The following GDPD4 variants were observed in gnomAD, a reference collection of about 807,000 sequenced individuals.
GDPD4 encodes the protein glycerophosphodiester phosphodiesterase 6.
GDPD4 carries 60 observed loss-of-function variants against 67.8 expected under a neutral mutation model. That is an observed-to-expected ratio of 0.88 (90% CI 0.72 to 1.10). The LOEUF (loss-of-function observed/expected upper bound fraction) is 1.10, where lower values mean the gene tolerates loss of function less well. GDPD4 is among the 50% of genes least tolerant of loss of function. The probability of loss-of-function intolerance (pLI) is 0.00; values close to 1 mark genes in which losing one functional copy is unlikely to be tolerated. For missense variants in GDPD4, 623 were observed against 613.9 expected (o/e 1.01, Z -0.16); for synonymous variants, 212 against 210.9 (o/e 1.00, Z -0.04).
At chr11:77,232,191 G>T (rs1319413811) in intron 14 of GDPD4, among the ~76,000 whole-genome samples, 3 of 152,202 alleles carry the variant, frequency 2.0e-5, no homozygotes, top group Non-Finnish European at 4.4e-5. Context: ...GCTTTTTGAT[G>T]ACTAAAAGTG....
At chr11:77,272,574 G>A (rs79519353) in intron 5 of GDPD4, among the ~76,000 whole-genome samples, 1 of 152,066 alleles carries the variant, frequency 6.6e-6, no homozygotes, top group East Asian at 1.9e-4. Context: ...CCAGGAGTTC[G>A]AGATAAGCCT....
intron 10 of GDPD4, among the ~76,000 whole-genome samples, chr11:77,260,000 G>A (rs115622079): frequency 0.021 from 3,193 of 152,182 alleles, 58 homozygotes; most frequent in African/African-American, 0.042. Context: ...GCTTTCTTTA[G>A]AGACTCCAGA....
In GDPD4 at chr11:77,282,102, G is replaced by T. The variant is rs150862398; in HGVS notation, c.54-2703C>A. On this transcript the variant is annotated intron_variant, in intron 3 of 16. Coordinates refer to ENST00000315938, the MANE Select transcript of GDPD4 (RefSeq NM_182833.3). ...TATGATGAGAATGGCTTATAACTCA[G>T]AAGTTATAAGTGTCTGAAGAAGTTA... Among the ~76,000 whole-genome samples, 575 of 152,266 alleles carry T rather than the reference G, an allele frequency of 3.8e-3. 2 individuals are homozygous for T. Among genetic ancestry groups the T allele is most frequent in the African/African-American group, 0.013 (543 of 41,542 alleles).
At chr11:77,279,900 C>A (rs1477367953) in intron 3 of GDPD4, among the ~76,000 whole-genome samples, 1 of 151,908 alleles carries the variant, frequency 6.6e-6, no homozygotes, top group East Asian at 1.9e-4. Flanking sequence ...TTAGGAGAAA[C>A]AATGTTATAC....
At chr11:77,241,918 C>T (rs748866660) in intron 13 of GDPD4, among the ~76,000 whole-genome samples, 5 of 151,448 alleles carry the variant, frequency 3.3e-5, no homozygotes, top group East Asian at 1.9e-4. Flanking sequence ...GGTGACAGAG[C>T]GAGACTCTGT....
At chr11:77,225,751 C>T (rs1228409421) in intron 16 of GDPD4, among the ~76,000 whole-genome samples, 1 of 152,134 alleles carries the variant, frequency 6.6e-6, no homozygotes, top group Non-Finnish European at 1.5e-5. Context: ...GACATGGCAT[C>T]AGTAGGTGCA....
At chr11:77,236,894 T>C (rs1958580050) in intron 13 of GDPD4, among the ~76,000 whole-genome samples, 2 of 152,214 alleles carry the variant, frequency 1.3e-5, no homozygotes, top group Non-Finnish European at 2.9e-5. Context: ...GTCTTGATCT[T>C]GAGAAGTCTG....
intron 1 of GDPD4, 23 bp downstream of exon 1, chr11:77,301,582 C>G (rs899969744): frequency 6.6e-6 from 1 of 152,190 alleles, no homozygotes; most frequent in African/African-American, 2.4e-5. Context: ...GGAGGAAGCA[C>G]GGAACTGGGC....
chr11:77,300,330 C>G (rs1334584419), intron 1 of GDPD4, among the ~76,000 whole-genome samples: 2 of 152,174 alleles, frequency 1.3e-5, no homozygotes, highest in Non-Finnish European at 2.9e-5. Flanking sequence ...CTCCCTTGTC[C>G]AAGTGTGTGC....
At chr11:77,233,952 G>C (rs1958502024) in intron 13 of GDPD4, among the ~76,000 whole-genome samples, 2 of 152,180 alleles carry the variant, frequency 1.3e-5, no homozygotes, top group Admixed American at 1.3e-4. Context: ...TGTTTATAGA[G>C]ACAGGGAGAA....
At position 77,227,839 on chromosome 11, in the gene GDPD4, G is replaced by C. The variant is rs374128378; in HGVS notation, c.1525+25C>G. ...GCAATGGGTAGGGATGAAGAGACAG[G>C]AGTGGGCTAGGCCTCTGACTTTACC... On this transcript the variant is annotated intron_variant, in intron 16 of 16. Transcript: ENST00000315938. The C allele has an allele frequency of 4.6e-5, 73 of 1,583,982 alleles. No individual in the cohort carries two copies. In the Middle Eastern group the frequency reaches 5.2e-4, roughly 11 times the overall value.
At chr11:77,277,391 CTTTTTTTT>C (rs71043564) in intron 4 of GDPD4, among the ~76,000 whole-genome samples, 12 of 58,346 alleles carry the variant, frequency 2.1e-4, no homozygotes, top group Admixed American at 3.0e-4. Context: ...GCCATGTTTC[CTTTTTTTT>C]TTTTTTTTTT....
At position 77,258,470 on chromosome 11, in the gene GDPD4, T is replaced by C; in HGVS notation, c.780A>G (p.Pro260=). ...KRTTNIGEVQ[P]ESACENPAFF... ...AGGCAGGGTTCTCGCAGGCAGATTCTGGCTGAACTTCCCCAATATTGGTTG... is the reference window on the plus strand; with the variant it reads ...AGGCAGGGTTCTCGCAGGCAGATTCCGGCTGAACTTCCCCAATATTGGTTG... The change falls in exon 11 of 17, where the codon CCA becomes CCG. Residue 260 remains proline, a synonymous_variant. Coordinates refer to ENST00000315938, the MANE Select transcript of GDPD4 (RefSeq NM_182833.3). 6.2e-7 allele frequency: 1 copy of C among 1,614,118 alleles called. No homozygotes were observed. The highest frequency in any genetic ancestry group is 8.5e-7 in the Non-Finnish European group (1 of 1,179,948).
chr11:77,257,026 C>T (rs116855574), intron 11 of GDPD4, among the ~76,000 whole-genome samples: 528 of 152,280 alleles, frequency 3.5e-3, no homozygotes, highest in Non-Finnish European at 5.3e-3. Context: ...ATCAAACGGC[C>T]CTCAGGATTA....
At chr11:77,220,659 A>G (rs1362917989) in intron 16 of GDPD4, among the ~76,000 whole-genome samples, 1 of 51,536 alleles carries the variant, frequency 1.9e-5, no homozygotes, top group Non-Finnish European at 4.6e-5. Flanking sequence ...TATTGGTCTA[A>G]AATTCTCTTT....
chr11:77,225,976 G>A lies in GDPD4; in HGVS notation c.1525+1888C>T, dbSNP rs115365943. 5.2e-3 allele frequency among the ~76,000 whole-genome samples: 784 copies of A among 152,128 alleles called. 8 individuals carry two copies. The highest frequency in any genetic ancestry group is 0.018 in the African/African-American group (731 of 41,496). ...TGAGGTACCCAAATAGCTTTCCAAT[G>A]CCTTTTCTTTCTGCTTAGATCAAGA... On this transcript the variant is annotated intron_variant, in intron 16 of 16. Transcript: ENST00000315938.
intron 5 of GDPD4, among the ~76,000 whole-genome samples, chr11:77,275,034 C>A (rs1468387440): frequency 6.6e-6 from 1 of 151,960 alleles, no homozygotes; most frequent in African/African-American, 2.4e-5. Context: ...CAAAATAGTT[C>A]AAAAAATAGT....
rs569154515 is a variant in GDPD4, at chr11:77,300,128, TTC to T, written c.-254+1475_-254+1476del. Among the ~76,000 whole-genome samples the T allele has an allele frequency of 7.4e-3, 1,077 of 145,414 alleles. 15 individuals carry two copies. The highest frequency in any genetic ancestry group is 0.03 in the African/African-American group (1,037 of 35,090). On this transcript the variant is annotated intron_variant, in intron 1 of 16. Coordinates refer to ENST00000315938, the MANE Select transcript of GDPD4 (RefSeq NM_182833.3). Reference sequence around the variant, plus strand: ...TGATCACCTGCTCCATCCTGACTCATTCTGATTACCAGCTCTGCCCTGACTCA... The same window carrying T: ...TGATCACCTGCTCCATCCTGACTCATTGATTACCAGCTCTGCCCTGACTCA...
Position 77,294,659 on chromosome 11 carries a change from T to C in GDPD4, c.-254+6946A>G, listed in dbSNP as rs1315837600. On this transcript the variant is annotated intron_variant, in intron 1 of 16. Coordinates refer to ENST00000315938, the MANE Select transcript of GDPD4 (RefSeq NM_182833.3). ...ATCAATAAGCTGATTCTAAGATTTATAAGGAAAGGCAAAGGAAATAGACTA... is the reference window on the plus strand; with the variant it reads ...ATCAATAAGCTGATTCTAAGATTTACAAGGAAAGGCAAAGGAAATAGACTA... 9.7e-4 allele frequency among the ~76,000 whole-genome samples: 147 copies of C among 152,170 alleles called. 3 individuals are homozygous for C. Among genetic ancestry groups the C allele is most frequent in the Non-Finnish European group, 1.0e-4 (7 of 68,000 alleles).
Sources: allele counts gnomAD v4.1 joint callset (sites outside exome capture counted in the v4.1 genomes callset), GRCh38; gene constraint gnomAD v4.1.1; transcripts MANE v1.5; gene names NCBI Gene and HGNC (gene_info 2026-07-23, HGNC 2026-07-21).